OTOGL: variants seen among roughly 807,000 people sequenced by gnomAD.
OTOGL encodes otogelin-like protein.
In OTOGL, 285 loss-of-function variants were observed where a neutral mutation model predicts 318.5. That is an observed-to-expected ratio of 0.89 (90% CI 0.81 to 0.99). The LOEUF (loss-of-function observed/expected upper bound fraction) is 0.99. OTOGL is among the 50% of genes least tolerant of loss of function. OTOGL has a pLI of 0.00. For synonymous variants in OTOGL, 987 were observed against 936.5 expected, an observed-to-expected ratio of 1.05 and a Z score of -0.99; for missense variants, 2,899 against 2,845.6, an observed-to-expected ratio of 1.02 and a Z score of -0.43.
chr12:80,365,601 G>A (rs74108601), intron 52 of OTOGL, among the ~76,000 whole-genome samples: 2,222 of 152,078 alleles, frequency 0.015, 54 homozygotes, highest in African/African-American at 0.051. Context: ...GGAAGAATTC[G>A]ATTTATTATT....
chr12:80,289,368 A>G (rs1438608999), intron 26 of OTOGL, among the ~76,000 whole-genome samples: 1 of 152,198 alleles, frequency 6.6e-6, no homozygotes, highest in Non-Finnish European at 1.5e-5. Context: ...CAGGAGGCAC[A>G]GGGGTCAGGG....
chr12:80,254,955 T>G (rs975868023), intron 15 of OTOGL, 85 bp from the exon 16 acceptor site: 21 of 1,115,304 alleles, frequency 1.9e-5, no homozygotes, highest in Non-Finnish European at 2.4e-5. Flanking sequence ...TTTAAAGGAT[T>G]AACCTAATGG....
intron 1 of OTOGL, among the ~76,000 whole-genome samples, chr12:80,127,289 C>T (rs1441671829): frequency 6.6e-6 from 1 of 152,044 alleles, no homozygotes; most frequent in African/African-American, 2.4e-5. Flanking sequence ...TTTATTTCTC[C>T]TTCACTTATG....
intron 48 of OTOGL, 69 bp downstream of exon 48, chr12:80,356,589 A>G: frequency 8.0e-7 from 1 of 1,245,748 alleles, no homozygotes; most frequent in South Asian, 1.5e-5. Context: ...TTAGATTCTC[A>G]TTCATTGTGT....
In OTOGL at chr12:80,379,754, T is replaced by C. The variant is rs1041537550; in HGVS notation, c.*1706T>C. 2.0e-5 allele frequency: 3 copies of C among 152,004 alleles called. No homozygotes were observed. The highest frequency in any genetic ancestry group is 6.6e-5 in the Admixed American group (1 of 15,254). The allele number at this position is 152,004 out of a possible 1,614,324, so 9.4% of individuals were successfully genotyped here. ...AAATATTAAGTAATCTTTAAACCTA[T>C]TTGTGGAGAAATGGGAAACATTCTC... On this transcript the variant is annotated 3_prime_UTR_variant, in exon 59 of 59. Transcript: ENST00000547103.
intron 1 of OTOGL, among the ~76,000 whole-genome samples, chr12:80,190,276 A>C (rs867424272): frequency 1.3e-5 from 2 of 152,220 alleles, no homozygotes; most frequent in African/African-American, 4.8e-5. Context: ...TAAAACGCAG[A>C]TTTTAATTAG....
At chr12:80,145,153 T>A (rs1174897743) in intron 1 of OTOGL, among the ~76,000 whole-genome samples, 11 of 150,436 alleles carry the variant, frequency 7.3e-5, no homozygotes, top group Middle Eastern at 3.4e-3. Context: ...CTGAATGGTA[T>A]TGCCTAGGTT....
intron 17 of OTOGL, 68 bp downstream of exon 17, chr12:80,256,528 C>T (rs977538420): frequency 7.4e-5 from 60 of 813,352 alleles, no homozygotes; most frequent in African/African-American, 4.9e-4. Flanking sequence ...AAACAACACA[C>T]GCAAACAAAA....
chr12:80,217,512 A>G (rs945185989), intron 4 of OTOGL, 86 bp from the exon 5 acceptor site: 2 of 874,672 alleles, frequency 2.3e-6, no homozygotes, highest in Non-Finnish European at 3.6e-6. Flanking sequence ...CTGTATTTGT[A>G]GTTATTTTCT....
chr12:80,280,929 C>G (rs1884185258), intron 26 of OTOGL, among the ~76,000 whole-genome samples: 1 of 151,464 alleles, frequency 6.6e-6, no homozygotes, highest in Non-Finnish European at 1.5e-5. Flanking sequence ...AGCTGTATAC[C>G]TAGGTATTTT....
chr12:80,292,915 C>T (rs533506652), intron 26 of OTOGL, among the ~76,000 whole-genome samples: 13 of 152,248 alleles, frequency 8.5e-5, no homozygotes, highest in East Asian at 1.9e-4. Context: ...ATGTCTGTCT[C>T]GGACTTCAGG....
chr12:80,352,753 C>A (rs2138003661), intron 45 of OTOGL, among the ~76,000 whole-genome samples: 1 of 152,298 alleles, frequency 6.6e-6, no homozygotes, highest in East Asian at 1.9e-4. Context: ...TTGTTCTCCA[C>A]TGAGATTATA....
intron 37 of OTOGL, among the ~76,000 whole-genome samples, 164 bp downstream of exon 37, chr12:80,329,283 A>C (rs1036715973): frequency 1.3e-5 from 2 of 152,170 alleles, no homozygotes; most frequent in African/African-American, 4.8e-5. Flanking sequence ...TTGGCTCAAC[A>C]TGCCATGTTT....
intron 1 of OTOGL, among the ~76,000 whole-genome samples, chr12:80,172,868 A>G (rs963944665): frequency 6.6e-6 from 1 of 152,116 alleles, no homozygotes; most frequent in Non-Finnish European, 1.5e-5. Context: ...TCTCACTTAT[A>G]AGTGGGAGCT....
chr12:80,184,213 T>C (rs10746154), intron 1 of OTOGL, among the ~76,000 whole-genome samples: 50,570 of 152,094 alleles, frequency 0.33, 8,861 homozygotes, highest in Middle Eastern at 0.43. Flanking sequence ...AATGCTCTGC[T>C]TCAGGCAGAT....
chr12:80,190,093 G>C (rs142501279), intron 1 of OTOGL, among the ~76,000 whole-genome samples: 2 of 152,292 alleles, frequency 1.3e-5, no homozygotes, highest in African/African-American at 4.8e-5. Context: ...TAGCAATGCA[G>C]TAGTTTTTAT....
chr12:80,277,656 T>C (rs930800953), intron 24 of OTOGL, among the ~76,000 whole-genome samples: 1 of 151,426 alleles, frequency 6.6e-6, no homozygotes, highest in Non-Finnish European at 1.5e-5. Context: ...ACTTAATATG[T>C]TTTTTAGTTC....
intron 1 of OTOGL, among the ~76,000 whole-genome samples, chr12:80,194,299 G>A (rs1875893825): frequency 6.6e-6 from 1 of 152,194 alleles, no homozygotes; most frequent in African/African-American, 2.4e-5. Flanking sequence ...TGCTAGTTCT[G>A]TGGGATCTCC....
intron 26 of OTOGL, among the ~76,000 whole-genome samples, chr12:80,290,688 C>T (rs1297056091): frequency 6.6e-6 from 1 of 152,088 alleles, no homozygotes; most frequent in African/African-American, 2.4e-5. Context: ...AATATTTGCA[C>T]ATTTCTACCA....
Sources: allele counts gnomAD v4.1 joint callset (sites outside exome capture counted in the v4.1 genomes callset), GRCh38; gene constraint gnomAD v4.1.1; transcripts MANE v1.5; gene names NCBI Gene and HGNC (gene_info 2026-07-23, HGNC 2026-07-21).